ASPH: variants seen among roughly 807,000 people sequenced by gnomAD.
ASPH encodes the protein aspartyl/asparaginyl beta-hydroxylase.
ASPH carries 100 observed loss-of-function variants against 118.4 expected under a neutral mutation model. That is an observed-to-expected ratio of 0.84 (90% CI 0.72 to 1.00). The LOEUF is 1.00. ASPH is among the 50% of genes least tolerant of loss of function. The pLI, the probability that ASPH is intolerant of heterozygous loss-of-function variation, is 0.00. For missense variants in ASPH, 920 were observed against 919.5 expected (o/e 1.00, Z -0.01); for synonymous variants, 315 against 325.6 (o/e 0.97, Z 0.35).
intron 14 of ASPH, among the ~76,000 whole-genome samples, chr8:61,609,364 C>T (rs1182080249): frequency 9.5e-6 from 1 of 105,526 alleles, no homozygotes; most frequent in Non-Finnish European, 1.9e-5. Context: ...TGCCTGCTGC[C>T]TCCCGCGTGG....
chr8:61,511,416 T>A (rs773361584), intron 24 of ASPH, among the ~76,000 whole-genome samples: 10 of 152,204 alleles, frequency 6.6e-5, no homozygotes, highest in Non-Finnish European at 1.2e-4. Context: ...TCACGGTTCC[T>A]TCTCTTAGCA....
chr8:61,603,978 GA>G (rs1335324297), intron 14 of ASPH, among the ~76,000 whole-genome samples: 1 of 152,196 alleles, frequency 6.6e-6, no homozygotes, highest in African/African-American at 2.4e-5. Context: ...ATATAAATGT[GA>G]AAAAGGTATG....
At chr8:61,550,080 G>A (rs1229743986) in intron 20 of ASPH, among the ~76,000 whole-genome samples, 1 of 152,112 alleles carries the variant, frequency 6.6e-6, no homozygotes, top group Non-Finnish European at 1.5e-5. Flanking sequence ...AAACAAAATT[G>A]TGAAAGTGAT....
chr8:61,525,596 C>T (rs184253662), intron 22 of ASPH, among the ~76,000 whole-genome samples: 2 of 152,182 alleles, frequency 1.3e-5, no homozygotes, highest in East Asian at 3.8e-4. Context: ...TTTATAGGAG[C>T]AAATGATGCT....
chr8:61,579,345 G>C (rs1166880800), intron 15 of ASPH: 2 of 1,614,208 alleles, frequency 1.2e-6, no homozygotes, highest in African/African-American at 1.3e-5. Context: ...TGAGTACCAG[G>C]AGCTGATGAA....
intron 24 of ASPH, among the ~76,000 whole-genome samples, chr8:61,507,598 G>C (rs773786795): frequency 5.9e-5 from 9 of 152,134 alleles, no homozygotes; most frequent in Non-Finnish European, 1.0e-4. Flanking sequence ...CATCCTACAA[G>C]CCATGTCCAG....
chr8:61,563,157 A>G (rs78572465), intron 17 of ASPH, among the ~76,000 whole-genome samples: 3,748 of 150,548 alleles, frequency 0.025, 112 homozygotes, highest in African/African-American at 0.068. Flanking sequence ...TTTATGTTAA[A>G]TTCCTTCTCA....
chr8:61,676,291 A>G, intron 3 of ASPH: 1 of 1,587,064 alleles, frequency 6.3e-7, no homozygotes, highest in Non-Finnish European at 8.5e-7. Context: ...GAGAATCAAT[A>G]TTTTCATTAC....
At chr8:61,659,438 G>A (rs1036574567) in intron 3 of ASPH, 1 of 152,208 alleles carries the variant, frequency 6.6e-6, no homozygotes, top group Non-Finnish European at 1.5e-5. Flanking sequence ...ATGGAAATGA[G>A]AGGCAGACTT....
At chr8:61,518,218 C>A in intron 22 of ASPH, 95 bp from the exon 23 acceptor site, 1 of 1,007,048 alleles carries the variant, frequency 9.9e-7, no homozygotes, top group Non-Finnish European at 1.5e-6. Context: ...ATCCTCACTG[C>A]AGGAATGAGA....
intron 18 of ASPH, among the ~76,000 whole-genome samples, chr8:61,561,606 T>C (rs1053879974): frequency 6.6e-6 from 1 of 152,194 alleles, no homozygotes; most frequent in Admixed American, 6.5e-5. Context: ...ATGAAACTGC[T>C]GTTCTTGATG....
chr8:61,619,060 C>A, intron 13 of ASPH, 41 bp from the exon 14 acceptor site: 1 of 1,406,362 alleles, frequency 7.1e-7, no homozygotes, highest in South Asian at 1.2e-5. Flanking sequence ...CTATGCAAGT[C>A]ACCATTCAGT....
chr8:61,702,222 C>T (rs1343876212), intron 1 of ASPH, among the ~76,000 whole-genome samples: 1 of 151,968 alleles, frequency 6.6e-6, no homozygotes, highest in Non-Finnish European at 1.5e-5. Context: ...CCACACCTCA[C>T]CCAGTGTTGG....
chr8:61,529,473 C>T (rs187106201), intron 21 of ASPH, among the ~76,000 whole-genome samples: 4 of 152,254 alleles, frequency 2.6e-5, no homozygotes, highest in Non-Finnish European at 5.9e-5. Flanking sequence ...AACCTGATGA[C>T]ATGTGTTTGA....
chr8:61,596,221 T>C (rs1842472298), intron 14 of ASPH, among the ~76,000 whole-genome samples: 2 of 152,140 alleles, frequency 1.3e-5, no homozygotes, highest in African/African-American at 4.8e-5. Flanking sequence ...CTGGCACCTG[T>C]GCATGCCTTC....
chr8:61,616,206 T>C (rs1588131199), intron 14 of ASPH, among the ~76,000 whole-genome samples: 1 of 152,268 alleles, frequency 6.6e-6, no homozygotes, highest in East Asian at 1.9e-4. Flanking sequence ...TTCCAGCCTC[T>C]ACACTTCCCT....
intron 14 of ASPH, among the ~76,000 whole-genome samples, chr8:61,592,415 C>A (rs928347731): frequency 3.3e-5 from 5 of 152,228 alleles, no homozygotes; most frequent in Non-Finnish European, 5.9e-5. Flanking sequence ...CTTTATCACA[C>A]TATACCTGCA....
intron 15 of ASPH, among the ~76,000 whole-genome samples, chr8:61,577,061 TA>T (rs2132144632): frequency 6.6e-6 from 1 of 152,150 alleles, no homozygotes; most frequent in East Asian, 1.9e-4. Context: ...ACTTCATTTT[TA>T]AAAAGACAGA....
chr8:61,713,821 A>C (rs1315911145), intron 1 of ASPH, among the ~76,000 whole-genome samples: 1 of 150,950 alleles, frequency 6.6e-6, no homozygotes, highest in African/African-American at 2.4e-5. Flanking sequence ...CGGCGCCCCC[A>C]TTTTCACCTC....
Sources: allele counts gnomAD v4.1 joint callset (sites outside exome capture counted in the v4.1 genomes callset), GRCh38; gene constraint gnomAD v4.1.1; transcripts MANE v1.5; gene names NCBI Gene and HGNC (gene_info 2026-07-23, HGNC 2026-07-21).